The following NAPSA variants were observed in gnomAD, a reference collection of about 807,000 sequenced individuals.
The protein encoded by NAPSA is napsin A aspartic peptidase.
A neutral mutation model predicts 36.7 loss-of-function variants in NAPSA; 37 were observed. The observed-to-expected ratio is 1.01, with a 90% CI of 0.78 to 1.33. The LOEUF (loss-of-function observed/expected upper bound fraction) is 1.33. Among genes scored for constraint, NAPSA ranks in the 40% most tolerant of loss-of-function variants. The pLI is 0.00. For synonymous variants in NAPSA, 222 were observed against 234.5 expected, an observed-to-expected ratio of 0.95 and a Z score of 0.49; for missense variants, 532 against 543.8, an observed-to-expected ratio of 0.98 and a Z score of 0.21.
Position 50,361,017 on chromosome 19 carries a change from C to T in NAPSA, c.592G>A (p.Gly198Arg). 2.5e-6 allele frequency: 4 copies of T among 1,614,160 alleles called. No individual in the cohort carries two copies. The highest frequency in any genetic ancestry group is 2.2e-5 in the East Asian group (1 of 44,874). The part of the protein sequence containing the change: ...GLGFPILSVE[G>R]VRPPMDVLVE... ...AGTACATCCATCGGGGGCCGAACTC[C>T]TTCCACAGACAGAATGGGAAAACCG... is the stretch of plus-strand genomic sequence containing the variant. Residue 198 changes from glycine to arginine, a missense_variant, in exon 5 of 9, where the codon GGA becomes AGA. Physicochemically the swap from Gly to Arg is moderately radical, Grantham distance 125. Transcript: ENST00000253719.
At chr19:50,361,199 G>A (rs1182679179) in intron 4 of NAPSA, 59 bp from the exon 5 acceptor site, 3 of 1,444,080 alleles carry the variant, frequency 2.1e-6, no homozygotes, top group Non-Finnish European at 1.9e-6. Flanking sequence ...CACATGTCCT[G>A]AGGTCTCCCA....
At chr19:50,362,345 G>T in intron 1 of NAPSA, 32 bp from the exon 2 acceptor site, 1 of 1,562,892 alleles carries the variant, frequency 6.4e-7, no homozygotes, top group Non-Finnish European at 8.7e-7. Context: ...ACAGGAAGCT[G>T]CCCTTCTTGG....
upstream of NAPSA, among the ~76,000 whole-genome samples, chr19:50,366,182 T>G (rs890439035): frequency 7.9e-5 from 12 of 151,654 alleles, no homozygotes; most frequent in Admixed American, 2.0e-4. Flanking sequence ...TTTGTTTTTG[T>G]TTTTTGGTTT....
rs760523554 is a variant in NAPSA at position 50,358,562 on chromosome 19, G to A, written c.1254C>T (p.Phe418=). 2.8e-5 allele frequency: 44 copies of A among 1,596,602 alleles called. No homozygotes were observed. In the East Asian group the frequency reaches 3.8e-4, roughly 14 times the overall value. Residue 418 remains phenylalanine (F), a synonymous_variant, in exon 9 of 9, where the codon TTC becomes TTT. Transcript: ENST00000253719. ...LGWGETAQAQ[F]PG ...GCGCTTCACTTGGGCGTCACCCGGG[G>A]AACTGCGCCTGCGCAGTCTCTCCCC...
chr19:50,361,916 C>T (rs2037479457), intron 3 of NAPSA, 53 bp downstream of exon 3: 3 of 1,594,730 alleles, frequency 1.9e-6, no homozygotes, highest in South Asian at 1.1e-5. Context: ...AGGTCCAGCC[C>T]CGCCTCCTCC....
intron 1 of NAPSA, 54 bp downstream of exon 1, chr19:50,365,485 G>A: frequency 1.3e-6 from 2 of 1,556,020 alleles, no homozygotes; most frequent in Non-Finnish European, 1.8e-6. Flanking sequence ...GACTTAAAGG[G>A]CAAGAGGCAG....
upstream of NAPSA, among the ~76,000 whole-genome samples, chr19:50,366,190 T>G (rs974447221): frequency 9.9e-5 from 14 of 141,038 alleles, no homozygotes; most frequent in South Asian, 6.5e-4. Flanking sequence ...TGTTTTTTGG[T>G]TTTTTTTTTT....
At chr19:50,359,425 C>A in intron 7 of NAPSA, 78 bp downstream of exon 7, 1 of 1,582,418 alleles carries the variant, frequency 6.3e-7, no homozygotes. Context: ...ACTTGCCTCC[C>A]ACCCTCAGGC....
In NAPSA at chr19:50,358,669, C is replaced by A. The variant is rs1360374427; in HGVS notation, c.1147G>T (p.Ala383Ser). The A allele has an allele frequency of 6.2e-7, 1 of 1,613,286 alleles. No individual in the cohort carries two copies. The highest frequency in any genetic ancestry group is 1.7e-5 in the Admixed American group (1 of 59,998). ...LGDVFLGTYV[A>S]VFDRGDMKSS... ...TTCATGTCCCCGCGGTCGAAGACGG[C>A]CACATACGTCCCCAAGAAGACGTCA... Residue 383 changes from alanine (A) to serine (S), a missense_variant, in exon 9 of 9, where the codon GCC (alanine) becomes TCC (serine). By Grantham distance (99) the Ala-to-Ser change is moderately conservative. Around this residue, in one of 3 missense-constraint regions of NAPSA, gnomAD observed 385 missense variants for 371.5 expected, o/e 1.04. Coordinates refer to ENST00000253719, the MANE Select transcript of NAPSA (RefSeq NM_004851.3).
chr19:50,366,503 T>C (rs115078005), upstream of NAPSA, among the ~76,000 whole-genome samples: 1,597 of 152,280 alleles, frequency 0.01, 28 homozygotes, highest in African/African-American at 0.034. Context: ...AACAGCTATT[T>C]TAAATTCTCT....
At chr19:50,363,520 ATGGGCACACCACCACACC>A (rs1391382697) in intron 1 of NAPSA, among the ~76,000 whole-genome samples, 2 of 152,010 alleles carry the variant, frequency 1.3e-5, no homozygotes, top group African/African-American at 4.8e-5. Flanking sequence ...AGCTGAGACT[ATGGGCACACCACCACACC>A]TGGCTTTTTA....
Position 50,359,864 on chromosome 19 carries a change from T to C in NAPSA, c.669-2A>G. The C allele has an allele frequency of 2.5e-6, 4 of 1,613,714 alleles. No homozygotes were observed. The highest frequency in any genetic ancestry group is 3.4e-6 in the Non-Finnish European group (4 of 1,179,764). On this transcript the variant is annotated splice_acceptor_variant, in intron 5 of 8. Transcript: ENST00000253719. LOFTEE classifies it high-confidence loss of function. ...CCTCCATCAGGCTCTTCAGGGTCCCTGCAGGGGCAGAGTGTAGAGAGTGTA... is the reference window on the plus strand; with the variant it reads ...CCTCCATCAGGCTCTTCAGGGTCCCCGCAGGGGCAGAGTGTAGAGAGTGTA...
Position 50,361,762 on chromosome 19 carries a change from A to G in NAPSA, c.369T>C (p.Asp123=), listed in dbSNP as rs1294531156. ...SVPCWLHHRF[D]PKASSSFQAN... is the part of the protein sequence containing the mutation. ...CCTGGAAGGAGCTAGAGGCTTTGGG[A>G]TCAAATCGGTGGTGTAACCCTAGGT... is the stretch of plus-strand genomic sequence containing the variant. Residue 123 remains aspartate (D), a synonymous_variant, in exon 4 of 9, where the codon GAT becomes GAC. Transcript: ENST00000253719. The G allele has an allele frequency of 8.1e-6, 13 of 1,614,102 alleles. No homozygotes were observed. The highest frequency in any genetic ancestry group is 9.3e-6 in the Non-Finnish European group (11 of 1,180,002).
chr19:50,367,657 A>T (rs1195397193), upstream of NAPSA, among the ~76,000 whole-genome samples: 1 of 151,438 alleles, frequency 6.6e-6, no homozygotes, highest in African/African-American at 2.4e-5. Flanking sequence ...GCCTACTATC[A>T]CTGGGATTGC....
chr19:50,368,102 G>A (rs1169611956), upstream of NAPSA, among the ~76,000 whole-genome samples: 1 of 147,092 alleles, frequency 6.8e-6, no homozygotes, highest in East Asian at 2.0e-4. Flanking sequence ...AAGTTGCAGT[G>A]AGCCAAGATC....
chr19:50,361,891 G>A, intron 3 of NAPSA, 78 bp downstream of exon 3: 1 of 1,599,378 alleles, frequency 6.3e-7, no homozygotes, highest in Non-Finnish European at 8.5e-7. Context: ...TTCCTCAAAA[G>A]CCTCTGAGAA....
chr19:50,367,299 C>G (rs1028024252), upstream of NAPSA, among the ~76,000 whole-genome samples: 1 of 152,198 alleles, frequency 6.6e-6, no homozygotes, highest in African/African-American at 2.4e-5. Context: ...TCTTTGCAGA[C>G]AAGGCTTGTT....
At chr19:50,363,895 G>A (rs1392162330) in intron 1 of NAPSA, among the ~76,000 whole-genome samples, 1 of 152,130 alleles carries the variant, frequency 6.6e-6, no homozygotes, top group Non-Finnish European at 1.5e-5. Context: ...AGTTTGATGG[G>A]CGTGATGTGG....
intron 7 of NAPSA, 131 bp downstream of exon 7, chr19:50,359,372 G>T: frequency 8.1e-7 from 1 of 1,241,698 alleles, no homozygotes; most frequent in Non-Finnish European, 1.1e-6. Flanking sequence ...CAGACTATCT[G>T]TCACGAAGTC....
Sources: gnomAD v4.1 joint callset for allele counts (sites outside exome capture counted in the v4.1 genomes callset) on GRCh38, gnomAD v4.1.1 for gene constraint, gnomAD v4.1.1 regional missense constraint, MANE v1.5 for transcripts, NCBI Gene and HGNC (gene_info 2026-07-23, HGNC 2026-07-21) for gene names.